Variants in ACACA observed in about 807,000 individuals in gnomAD.
ACACA encodes the protein acetyl-CoA carboxylase 1.
ACACA carries 103 observed loss-of-function variants against 296.1 expected under a neutral mutation model. The observed-to-expected ratio is 0.35, with a 90% CI of 0.30 to 0.41. The LOEUF (loss-of-function observed/expected upper bound fraction) is 0.41. Ranked by LOEUF, ACACA falls within the 10% of genes least tolerant of loss-of-function variation. The probability of loss-of-function intolerance (pLI) is 1.00; values close to 1 mark genes in which losing one functional copy is unlikely to be tolerated. For synonymous variants in ACACA, 953 were observed against 1,038.6 expected (o/e 0.92, Z 1.58); for missense variants, 1,554 against 2,989.7 (o/e 0.52, Z 11.20).
chr17:37,096,851 C>G (rs1286942382), intron 54 of ACACA, 145 bp downstream of exon 54: 2 of 959,754 alleles, frequency 2.1e-6, no homozygotes, highest in Admixed American at 3.5e-5. Flanking sequence ...GGGGGAGTAG[C>G]TGGGGGAGGA....
intron 52 of ACACA, among the ~76,000 whole-genome samples, chr17:37,110,936 T>C (rs1169640291): frequency 6.6e-6 from 1 of 152,162 alleles, no homozygotes; most frequent in Non-Finnish European, 1.5e-5. Flanking sequence ...GGTTTAGTCC[T>C]ATGTTCAAAT....
chr17:37,399,404 T>C (rs760804923), intron 1 of ACACA, among the ~76,000 whole-genome samples: 2 of 152,212 alleles, frequency 1.3e-5, no homozygotes, highest in Non-Finnish European at 2.9e-5. Context: ...CAAGCATTTA[T>C]TGGGCACCTG....
intron 1 of ACACA, among the ~76,000 whole-genome samples, chr17:37,340,984 C>T (rs746807006): frequency 7.9e-5 from 12 of 152,118 alleles, no homozygotes; most frequent in Non-Finnish European, 1.3e-4. Context: ...TGCTAGAGTC[C>T]AGGAGCTGGA....
intron 52 of ACACA, among the ~76,000 whole-genome samples, chr17:37,099,309 C>G (rs758662172): frequency 6.6e-6 from 1 of 152,208 alleles, no homozygotes; most frequent in Non-Finnish European, 1.5e-5. Context: ...GATGAAGGTG[C>G]CACTGATCTG....
intron 52 of ACACA, among the ~76,000 whole-genome samples, chr17:37,104,944 G>GAAAAAA (rs66518229): frequency 7.1e-5 from 4 of 56,642 alleles, no homozygotes; most frequent in Non-Finnish European, 9.9e-5. Flanking sequence ...GTCTCTGACC[G>GAAAAAA]AAAAAAAAAA....
At chr17:37,285,076 T>C in intron 3 of ACACA, 106 bp from the exon 4 acceptor site, 1 of 1,284,862 alleles carries the variant, frequency 7.8e-7, no homozygotes, top group Non-Finnish European at 1.1e-6. Flanking sequence ...CTGTGAAGAC[T>C]GCATGCTGGC....
chr17:37,258,170 G>A, intron 13 of ACACA, 42 bp downstream of exon 13: 1 of 1,598,258 alleles, frequency 6.3e-7, no homozygotes, highest in Non-Finnish European at 8.6e-7. Context: ...TAACATTAAA[G>A]TTCATTAAAA....
chr17:37,359,221 G>C (rs1016770832), intron 1 of ACACA: 2 of 853,362 alleles, frequency 2.3e-6, no homozygotes, highest in Non-Finnish European at 2.8e-6. Flanking sequence ...ACTACGTCCG[G>C]GGTTACTCCA....
intron 16 of ACACA, among the ~76,000 whole-genome samples, chr17:37,250,829 T>C (rs2080953743): frequency 6.6e-6 from 1 of 151,900 alleles, no homozygotes; most frequent in African/African-American, 2.4e-5. Context: ...ATTGAGACCA[T>C]CCTGGCTAAC....
chr17:37,209,531 G>A (rs1315833554), intron 30 of ACACA, among the ~76,000 whole-genome samples: 1 of 152,124 alleles, frequency 6.6e-6, no homozygotes, highest in Non-Finnish European at 1.5e-5. Flanking sequence ...GCTAAAGGCA[G>A]GCAGGAATGA....
At chr17:37,268,733 CTATCTATCTATATATA>C (rs2081918625) in intron 10 of ACACA, among the ~76,000 whole-genome samples, 2 of 70,828 alleles carry the variant, frequency 2.8e-5, no homozygotes, top group African/African-American at 6.2e-5. Context: ...ATCTATCTAT[CTATCTATCTATATATA>C]TATATATATA....
intron 1 of ACACA, among the ~76,000 whole-genome samples, chr17:37,346,103 C>G (rs2048602593): frequency 6.6e-6 from 1 of 152,016 alleles, no homozygotes; most frequent in Non-Finnish European, 1.5e-5. Flanking sequence ...CCAGGAAATA[C>G]AGTTTTATAG....
chr17:37,151,719 T>A (rs2076046465), intron 43 of ACACA, among the ~76,000 whole-genome samples: 1 of 152,124 alleles, frequency 6.6e-6, no homozygotes, highest in Admixed American at 6.5e-5. Context: ...TGGAGTGAAG[T>A]GGTGCAATCA....
chr17:37,326,484 T>C (rs949169975), intron 3 of ACACA, among the ~76,000 whole-genome samples: 6 of 150,882 alleles, frequency 4.0e-5, no homozygotes, highest in African/African-American at 1.2e-4. Flanking sequence ...TAAGTGGAGA[T>C]TGCACCATTA....
In ACACA at chr17:37,123,411, G is replaced by A. The variant is rs141630478; in HGVS notation, c.6042-784C>T. 1.5e-4 allele frequency among the ~76,000 whole-genome samples: 23 copies of A among 152,246 alleles called. No homozygotes were observed. The East Asian group carries it at 4.2e-3, about 28-fold the overall frequency. On this transcript the variant is annotated intron_variant, in intron 48 of 55. Coordinates refer to ENST00000616317, the MANE Select transcript of ACACA (RefSeq NM_198834.3). Reference sequence around the variant, plus strand: ...ATACTCCACTATGACTTCCCAATTTGGTCCTCATAAAGATTTTCTAGGAAA... The same window carrying A: ...ATACTCCACTATGACTTCCCAATTTAGTCCTCATAAAGATTTTCTAGGAAA...
At chr17:37,149,548 C>T (rs1198676111) in intron 45 of ACACA, among the ~76,000 whole-genome samples, 1 of 152,176 alleles carries the variant, frequency 6.6e-6, no homozygotes, top group Non-Finnish European at 1.5e-5. Flanking sequence ...TTCTGTCTTT[C>T]TACAACGACA....
intron 29 of ACACA, among the ~76,000 whole-genome samples, chr17:37,212,592 T>C (rs1212505968): frequency 1.3e-5 from 2 of 152,134 alleles, no homozygotes; most frequent in Non-Finnish European, 2.9e-5. Flanking sequence ...AAACTGTCTA[T>C]TAACAGATAA....
chr17:37,259,665 C>G, intron 11 of ACACA, 135 bp from the exon 12 acceptor site: 1 of 903,958 alleles, frequency 1.1e-6, no homozygotes, highest in East Asian at 2.6e-5. Flanking sequence ...GAGCACATTT[C>G]TGATTATTAT....
intron 50 of ACACA, among the ~76,000 whole-genome samples, chr17:37,120,268 T>G (rs2074463869): frequency 6.6e-6 from 1 of 151,410 alleles, no homozygotes; most frequent in Non-Finnish European, 1.5e-5. Flanking sequence ...TATCCTACTG[T>G]TTTTTCCTTT....
Sources: allele counts gnomAD v4.1 joint callset (sites outside exome capture counted in the v4.1 genomes callset), GRCh38; gene constraint gnomAD v4.1.1; transcripts MANE v1.5; gene names NCBI Gene and HGNC (gene_info 2026-07-23, HGNC 2026-07-21).